IL36B: variants seen among roughly 807,000 people sequenced by gnomAD.
IL36B encodes interleukin 36 beta.
Under a neutral mutation model 19.3 loss-of-function variants are expected in IL36B, and 23 were observed. The ratio of observed to expected loss-of-function variants is 1.19; its 90% CI spans 0.86 to 1.69. IL36B has a LOEUF of 1.69. IL36B is among the 40% of genes most tolerant of loss of function. The pLI is 0.00. For missense variants in IL36B, 217 were observed against 200.5 expected (o/e 1.08, Z -0.50); for synonymous variants, 59 against 59.7 (o/e 0.99, Z 0.05).
In IL36B at chr2:113,022,757, A is replaced by T. The variant is rs1375214343; in HGVS notation, c.412T>A (p.Ser138Thr). The change falls in exon 6 of 6, where the codon TCC (serine) becomes ACC (threonine). Residue 138 changes from serine to threonine, a missense_variant. Transcript: ENST00000259213. Reference sequence around the variant, plus strand: ...TTCCTGAGATGGTGATGTTGAAAGGAACTCTTCCACTTCTTTCTACCTGCA... The same window carrying T: ...TTCCTGAGATGGTGATGTTGAAAGGTACTCTTCCACTTCTTTCTACCTGCA... The T allele has an allele frequency of 6.2e-7, 1 of 1,612,098 alleles. No individual in the cohort carries two copies. Among genetic ancestry groups the T allele is most frequent in the Non-Finnish European group, 8.5e-7 (1 of 1,178,228 alleles).
At chr2:113,046,913 A>T (rs1312380221) in intron 1 of IL36B, among the ~76,000 whole-genome samples, 1 of 152,212 alleles carries the variant, frequency 6.6e-6, no homozygotes, top group East Asian at 1.9e-4. Context: ...TGTGTAGCCC[A>T]CACTTAGAGC....
chr2:113,045,790 A>G (rs1401175695), intron 1 of IL36B, among the ~76,000 whole-genome samples: 2 of 152,140 alleles, frequency 1.3e-5, no homozygotes, highest in African/African-American at 2.4e-5. Flanking sequence ...CAGTTTTTAC[A>G]TCTTGGAGTT....
At chr2:113,045,122 T>C (rs1183722144) in intron 1 of IL36B, among the ~76,000 whole-genome samples, 2 of 152,206 alleles carry the variant, frequency 1.3e-5, no homozygotes, top group Non-Finnish European at 2.9e-5. Flanking sequence ...AGTTATCATT[T>C]CTGGAGCTTA....
At chr2:113,038,553 C>G (rs1380583508) in intron 1 of IL36B, among the ~76,000 whole-genome samples, 1 of 152,212 alleles carries the variant, frequency 6.6e-6, no homozygotes, top group Non-Finnish European at 1.5e-5. Flanking sequence ...GGTTGCTCCA[C>G]TGTGGTAGTT....
chr2:113,041,683 T>A (rs1181707899), intron 1 of IL36B, among the ~76,000 whole-genome samples: 4 of 152,218 alleles, frequency 2.6e-5, no homozygotes, highest in Admixed American at 2.6e-4. Flanking sequence ...ATATATCTGA[T>A]CAACAACTGA....
chr2:113,035,324 T>C (rs1685147951), intron 1 of IL36B, among the ~76,000 whole-genome samples: 1 of 152,114 alleles, frequency 6.6e-6, no homozygotes, highest in Non-Finnish European at 1.5e-5. Flanking sequence ...CACGGTGTAC[T>C]GAAATAAAAT....
intron 1 of IL36B, among the ~76,000 whole-genome samples, chr2:113,052,224 A>G (rs1685461286): frequency 2.0e-5 from 3 of 152,106 alleles, no homozygotes; most frequent in Non-Finnish European, 4.4e-5. Context: ...TACTGGGATT[A>G]CAGGTGCGAG....
At chr2:113,051,017 G>A (rs907342540) in intron 1 of IL36B, among the ~76,000 whole-genome samples, 3 of 151,594 alleles carry the variant, frequency 2.0e-5, no homozygotes, top group East Asian at 2.0e-4. Flanking sequence ...TCCTTGAATC[G>A]GAGGCCGTGC....
chr2:113,049,954 TAA>T (rs749594938), intron 1 of IL36B, among the ~76,000 whole-genome samples: 15 of 139,228 alleles, frequency 1.1e-4, no homozygotes, highest in Non-Finnish European at 1.4e-4. Flanking sequence ...AAACTCCGTC[TAA>T]AAAAAAAAAA....
chr2:113,028,884 TGAA>T (rs35003525), intron 4 of IL36B, 52 bp downstream of exon 4: 31,007 of 1,561,394 alleles, frequency 0.02, 528 homozygotes, highest in African/African-American at 0.079. Context: ...ACATAGTAAA[TGAA>T]ATAGAAAGTC....
At position 113,031,156 on chromosome 2, in the gene IL36B, C is replaced by T. The variant is rs1453362900; in HGVS notation, c.14-1G>A. ...GCATAGGATTTGGGTGCTGCCTCCC[C>T]TGCCAGATGACAAAAATGCACAAAA... On this transcript the variant is annotated splice_acceptor_variant, in intron 2 of 5. Coordinates refer to ENST00000259213, the MANE Select transcript of IL36B (RefSeq NM_014438.5). LOFTEE classifies it high-confidence loss of function. The T allele has an allele frequency of 6.2e-7, 1 of 1,610,696 alleles. No homozygotes were observed. The highest frequency in any genetic ancestry group is 8.5e-7 in the Non-Finnish European group (1 of 1,176,854).
At chr2:113,027,397 T>A in intron 4 of IL36B, 36 bp downstream of exon 5, 1 of 871,486 alleles carries the variant, frequency 1.1e-6, no homozygotes, top group Non-Finnish European at 1.4e-6. Flanking sequence ...GTATACACTG[T>A]GTGTCAAATT....
chr2:113,034,074 C>G (rs1344928548), intron 1 of IL36B, among the ~76,000 whole-genome samples: 2 of 152,154 alleles, frequency 1.3e-5, no homozygotes, highest in Admixed American at 6.5e-5. Flanking sequence ...TCGTATGACT[C>G]TCTTGCACAG....
intron 1 of IL36B, among the ~76,000 whole-genome samples, chr2:113,050,254 C>T (rs4629159): frequency 6.6e-6 from 1 of 151,860 alleles, no homozygotes; most frequent in Admixed American, 6.6e-5. Flanking sequence ...GTACACACAC[C>T]ACACAGCCTT....
intron 1 of IL36B, among the ~76,000 whole-genome samples, chr2:113,042,795 A>C (rs1685283214): frequency 6.6e-6 from 1 of 152,222 alleles, no homozygotes; most frequent in Admixed American, 6.5e-5. Context: ...CTTTTCTCTT[A>C]AATTAATACC....
intron 1 of IL36B, among the ~76,000 whole-genome samples, chr2:113,036,612 T>G (rs1397831243): frequency 6.6e-6 from 1 of 152,338 alleles, no homozygotes; most frequent in East Asian, 1.9e-4. Flanking sequence ...GAATTTCCTC[T>G]TCCTGCCCCC....
At chr2:113,028,030 A>T (rs1195742400) in intron 4 of IL36B, 1 of 1,614,166 alleles carries the variant, frequency 6.2e-7, no homozygotes, top group East Asian at 2.2e-5. Context: ...TGACTGAAAG[A>T]CAGAAGTGGA....
At chr2:113,042,175 C>T (rs868416392) in intron 1 of IL36B, among the ~76,000 whole-genome samples, 6 of 152,104 alleles carry the variant, frequency 3.9e-5, no homozygotes, top group African/African-American at 9.7e-5. Context: ...CCTATGTTGT[C>T]GTATCCAGAA....
intron 4 of IL36B, among the ~76,000 whole-genome samples, 166 bp downstream of exon 4, chr2:113,028,773 A>C (rs1685012069): frequency 6.6e-6 from 1 of 152,238 alleles, no homozygotes; most frequent in South Asian, 2.1e-4. Flanking sequence ...TGTTATATCC[A>C]TTCCAAAGGC....
Sources: allele counts gnomAD v4.1 joint callset (sites outside exome capture counted in the v4.1 genomes callset), GRCh38; gene constraint gnomAD v4.1.1; transcripts MANE v1.5; gene names NCBI Gene and HGNC (gene_info 2026-07-23, HGNC 2026-07-21).